The following RGS7 variants were observed in gnomAD, a reference collection of about 807,000 sequenced individuals.
RGS7 encodes regulator of G-protein signaling 7.
In RGS7, 27 loss-of-function variants were observed where a neutral mutation model predicts 81.1. The observed-to-expected ratio is 0.33, with a 90% CI of 0.25 to 0.46. RGS7 has a LOEUF of 0.46. Ranked by LOEUF, RGS7 falls within the 20% of genes least tolerant of loss-of-function variation. RGS7 has a pLI of 1.00. For missense variants in RGS7, 396 were observed against 607.4 expected (o/e 0.65, Z 3.66); for synonymous variants, 208 against 207.7 (o/e 1.00, Z -0.01).
At chr1:240,903,869 C>G (rs1215031056) in intron 6 of RGS7, among the ~76,000 whole-genome samples, 1 of 152,198 alleles carries the variant, frequency 6.6e-6, no homozygotes, top group African/African-American at 2.4e-5. Context: ...GATCTCTGCA[C>G]GTCAGCTCTC....
At chr1:241,060,344 T>C (rs1269705814) in intron 3 of RGS7, among the ~76,000 whole-genome samples, 1 of 152,236 alleles carries the variant, frequency 6.6e-6, no homozygotes, top group Non-Finnish European at 1.5e-5. Context: ...ATGTTGTAGA[T>C]TGGGCATATC....
chr1:240,996,564 C>T (rs1377496199), intron 3 of RGS7, among the ~76,000 whole-genome samples: 2 of 152,182 alleles, frequency 1.3e-5, no homozygotes, highest in Non-Finnish European at 2.9e-5. Context: ...CCCTTTATTG[C>T]TTCCACTTTT....
intron 3 of RGS7, among the ~76,000 whole-genome samples, chr1:241,089,972 C>T (rs368991092): frequency 1.7e-4 from 21 of 125,268 alleles, no homozygotes; most frequent in African/African-American, 2.2e-4. Context: ...CCAGCCTGGG[C>T]GGCAGAGTGA....
At chr1:241,035,371 T>A (rs967773148) in intron 3 of RGS7, among the ~76,000 whole-genome samples, 2 of 143,208 alleles carry the variant, frequency 1.4e-5, no homozygotes, top group African/African-American at 2.6e-5. Flanking sequence ...AAAAAAAAAA[T>A]ATAGTACTCT....
intron 9 of RGS7, among the ~76,000 whole-genome samples, chr1:240,865,985 A>G (rs1663163430): frequency 6.6e-6 from 1 of 152,202 alleles, no homozygotes; most frequent in Non-Finnish European, 1.5e-5. Context: ...AAACAAGATA[A>G]ACACCAGTAC....
chr1:241,145,262 C>T (rs1009263596), intron 2 of RGS7, among the ~76,000 whole-genome samples: 7 of 151,976 alleles, frequency 4.6e-5, no homozygotes, highest in Admixed American at 4.6e-4. Flanking sequence ...GTGATTCTCC[C>T]GCTTCAGCCA....
chr1:241,338,959 T>C (rs1291863612), intron 2 of RGS7, among the ~76,000 whole-genome samples: 4 of 152,100 alleles, frequency 2.6e-5, no homozygotes, highest in African/African-American at 4.8e-5. Flanking sequence ...TGAACGTGTG[T>C]CATGGTGGTT....
chr1:241,257,814 T>C (rs1342468238), intron 2 of RGS7, among the ~76,000 whole-genome samples: 1 of 152,226 alleles, frequency 6.6e-6, no homozygotes, highest in Non-Finnish European at 1.5e-5. Context: ...CTGTATTTCA[T>C]GCAGAAAGTG....
At chr1:240,977,384 T>A (rs752454271) in intron 4 of RGS7, among the ~76,000 whole-genome samples, 10 of 151,696 alleles carry the variant, frequency 6.6e-5, no homozygotes, top group Non-Finnish European at 1.3e-4. Context: ...ATTATATATA[T>A]ATACACACAT....
intron 2 of RGS7, among the ~76,000 whole-genome samples, chr1:241,246,172 C>A (rs2076531149): frequency 6.6e-6 from 1 of 151,930 alleles, no homozygotes; most frequent in Non-Finnish European, 1.5e-5. Flanking sequence ...GAAGACTGGG[C>A]AAGCTATCTC....
intron 15 of RGS7, among the ~76,000 whole-genome samples, chr1:240,804,127 G>A (rs6679827): frequency 0.72 from 108,732 of 152,030 alleles, 39,340 homozygotes; most frequent in Non-Finnish European, 0.78. Flanking sequence ...ACTTACAAAT[G>A]GGATAAATAT....
At chr1:240,882,408 TC>T (rs1190472180) in intron 6 of RGS7, among the ~76,000 whole-genome samples, 4 of 152,224 alleles carry the variant, frequency 2.6e-5, no homozygotes, top group African/African-American at 9.7e-5. Flanking sequence ...TTCTGCTCTA[TC>T]ATAAGGCGGT....
chr1:241,293,390 T>A (rs2079199397), intron 2 of RGS7, among the ~76,000 whole-genome samples: 1 of 152,182 alleles, frequency 6.6e-6, no homozygotes, highest in South Asian at 2.1e-4. Flanking sequence ...ATATAATAAG[T>A]TAATTATAAA....
At chr1:240,999,689 C>T (rs1168257596) in intron 3 of RGS7, among the ~76,000 whole-genome samples, 1 of 152,128 alleles carries the variant, frequency 6.6e-6, no homozygotes, top group East Asian at 1.9e-4. Flanking sequence ...CAACATCTAC[C>T]TCCCAGGCTC....
At chr1:240,872,168 T>A (rs1664607780) in intron 6 of RGS7, among the ~76,000 whole-genome samples, 1 of 152,186 alleles carries the variant, frequency 6.6e-6, no homozygotes, top group Non-Finnish European at 1.5e-5. Context: ...AATATTGGTA[T>A]CACAAATATT....
intron 2 of RGS7, among the ~76,000 whole-genome samples, chr1:241,288,904 T>C (rs1573520364): frequency 6.6e-6 from 1 of 152,162 alleles, no homozygotes; most frequent in East Asian, 1.9e-4. Context: ...TAAGCCTTCC[T>C]GGAACATGAT....
chr1:241,237,105 T>C (rs2076022329), intron 2 of RGS7, among the ~76,000 whole-genome samples: 2 of 152,158 alleles, frequency 1.3e-5, no homozygotes, highest in Admixed American at 1.3e-4. Flanking sequence ...GAAAAGAAAA[T>C]ATTTTTTAAA....
At chr1:241,351,536 A>G (rs764436951) in intron 2 of RGS7, among the ~76,000 whole-genome samples, 2 of 152,208 alleles carry the variant, frequency 1.3e-5, no homozygotes, top group Admixed American at 1.3e-4. Flanking sequence ...GAGCTTCACA[A>G]GTAACAAGGC....
chr1:241,310,420 A>T (rs373259881), intron 2 of RGS7, among the ~76,000 whole-genome samples: 2 of 135,556 alleles, frequency 1.5e-5, no homozygotes, highest in African/African-American at 6.2e-5. Flanking sequence ...TGTGTGTGTG[A>T]GAGTGTATGT....
Sources: gnomAD v4.1 joint callset for allele counts (sites outside exome capture counted in the v4.1 genomes callset) on GRCh38, gnomAD v4.1.1 for gene constraint, MANE v1.5 for transcripts, NCBI Gene and HGNC (gene_info 2026-07-23, HGNC 2026-07-21) for gene names.